HHIPL2: variants seen among roughly 807,000 people sequenced by gnomAD.
The protein encoded by HHIPL2 is HHIP like 2.
A neutral mutation model predicts 61.0 loss-of-function variants in HHIPL2; 61 were observed. That is an observed-to-expected ratio of 1.00 (90% CI 0.81 to 1.24). The LOEUF is 1.24. Among genes scored for constraint, HHIPL2 ranks in the 50% most tolerant of loss-of-function variants. HHIPL2 has a pLI of 0.00. For missense variants in HHIPL2, 885 were observed against 910.2 expected, an observed-to-expected ratio of 0.97 and a Z score of 0.36; for synonymous variants, 343 against 357.4, an observed-to-expected ratio of 0.96 and a Z score of 0.45.
At chr1:222,528,820 A>ATTTT (rs59113896) in intron 6 of HHIPL2, among the ~76,000 whole-genome samples, 11,335 of 128,618 alleles carry the variant, frequency 0.088, 654 homozygotes, top group African/African-American at 0.14. Context: ...TAAACAACTA[A>ATTTT]TTTTTTTTTT....
At chr1:222,535,872 G>A (rs1659291954) in intron 5 of HHIPL2, among the ~76,000 whole-genome samples, 1 of 151,904 alleles carries the variant, frequency 6.6e-6, no homozygotes, top group African/African-American at 2.4e-5. Context: ...TCAGGTAATT[G>A]GAAACTTAAT....
intron 1 of HHIPL2, among the ~76,000 whole-genome samples, chr1:222,546,916 G>T (rs114636986): frequency 0.012 from 1,894 of 152,278 alleles, 50 homozygotes; most frequent in African/African-American, 0.043. Context: ...AGTTCAAAAG[G>T]CTGCCTGGAC....
intron 5 of HHIPL2, 148 bp from the exon 6 acceptor site, chr1:222,532,259 G>T: frequency 3.2e-6 from 2 of 626,922 alleles, no homozygotes; most frequent in South Asian, 3.0e-5. Flanking sequence ...CAACCAAAAA[G>T]CTTCTTCAGA....
Position 222,543,541 on chromosome 1 carries a change from C to A in HHIPL2, c.970G>T (p.Glu324Ter). Residue 324 changes from glutamate (E) to a stop codon, truncating the protein, a stop_gained, in exon 2 of 9, where the codon GAG becomes TAG. Coordinates refer to ENST00000343410, the MANE Select transcript of HHIPL2 (RefSeq NM_024746.4). LOFTEE classifies it high-confidence loss of function. Reference protein sequence around the residue: ...ADPNKADLKSERVILEIEEPA... With the variant: ...ADPNKADLKS ...GCTCTCATGAGTACCTCTCACCTCTCTGATTTCAGGTCAGCTTTGTTAGGA... is the reference window on the plus strand; with the variant it reads ...GCTCTCATGAGTACCTCTCACCTCTATGATTTCAGGTCAGCTTTGTTAGGA... 6.2e-7 allele frequency: 1 copy of A among 1,610,090 alleles called. No individual in the cohort carries two copies. The highest frequency in any genetic ancestry group is 1.1e-5 in the South Asian group (1 of 90,654).
chr1:222,522,272 A>G lies in HHIPL2; in HGVS notation c.*329T>C, dbSNP rs1658968595. ...CAAAGGATATGTGCCAGTTTGAGCA[A>G]ATGTTGATTTATTACCTCAGGTTGT... On this transcript the variant is annotated 3_prime_UTR_variant, in exon 9 of 9. Coordinates refer to ENST00000343410, the MANE Select transcript of HHIPL2 (RefSeq NM_024746.4). 3.2e-6 allele frequency: 1 copy of G among 316,066 alleles called. No homozygotes were observed. Among genetic ancestry groups the G allele is most frequent in the African/African-American group, 2.1e-5 (1 of 48,276 alleles). The allele number at this position is 316,066 out of a possible 1,614,324, so 19.6% of individuals were successfully genotyped here. A position where few individuals can be genotyped will look rare whatever the true frequency, so the allele number is the denominator to read the frequency against.
chr1:222,530,772 ATT>A lies in HHIPL2; in HGVS notation c.1723+1192_1723+1193del, dbSNP rs1212450589. On this transcript the variant is annotated intron_variant, in intron 6 of 8. Transcript: ENST00000343410. ...TCTTGTGTATTTTTTGTGTTTTTTG[ATT>A]TGTTTTGTTTTCTGTTGTTTAATTA... Among the ~76,000 whole-genome samples, 5 of 150,414 alleles carry A rather than the reference ATT, an allele frequency of 3.3e-5. No homozygotes were observed. In the East Asian group the frequency reaches 9.8e-4, roughly 29 times the overall value.
At position 222,532,127 on chromosome 1, in the gene HHIPL2, AC is replaced by A. The variant is rs776915981; in HGVS notation, c.1578-17del. 16 of 1,605,556 alleles carry A rather than the reference AC, an allele frequency of 1.0e-5. No homozygotes were observed. Among genetic ancestry groups the A allele is most frequent in the Non-Finnish European group, 1.4e-5 (16 of 1,175,888 alleles). Reference sequence around the variant, plus strand: ...CATAAGTCGACTAGACAAAAAATAAACCCTTATGTTTAGGAATCCATATATC... The same window carrying A: ...CATAAGTCGACTAGACAAAAAATAAACCTTATGTTTAGGAATCCATATATC... On this transcript the variant is annotated splice_polypyrimidine_tract_variant and intron_variant, in intron 5 of 8. Coordinates refer to ENST00000343410, the MANE Select transcript of HHIPL2 (RefSeq NM_024746.4).
chr1:222,529,402 C>T (rs371952227), intron 6 of HHIPL2, among the ~76,000 whole-genome samples: 13 of 152,150 alleles, frequency 8.5e-5, no homozygotes, highest in African/African-American at 2.7e-4. Flanking sequence ...GAAAGGTCCA[C>T]GTGTACACAG....
At chr1:222,547,230 A>G (rs1659573209) in intron 1 of HHIPL2, among the ~76,000 whole-genome samples, 1 of 152,070 alleles carries the variant, frequency 6.6e-6, no homozygotes, top group Non-Finnish European at 1.5e-5. Flanking sequence ...CTCTGGAGAG[A>G]GTCTCCAACC....
Position 222,523,635 on chromosome 1 carries a change from C to T in HHIPL2, c.1865G>A (p.Arg622Gln), listed in dbSNP as rs776481799. 5.8e-5 allele frequency: 93 copies of T among 1,613,980 alleles called. 1 individual carries two copies. Among genetic ancestry groups the T allele is most frequent in the Middle Eastern group, 3.3e-4 (2 of 6,084 alleles). The change falls in exon 8 of 9, where the codon CGG becomes CAG. Residue 622 changes from arginine (R) to glutamine (Q), a missense_variant. Coordinates refer to ENST00000343410, the MANE Select transcript of HHIPL2 (RefSeq NM_024746.4). ...ACTGGCGAGTGGTCTGAACGGGATCCGCTTACTCTTGGTTCTCACGGGCAC... is the reference window on the plus strand; with the variant it reads ...ACTGGCGAGTGGTCTGAACGGGATCTGCTTACTCTTGGTTCTCACGGGCAC... ...KPVPVRTKSK[R>Q]IPFRPLAKTV...
chr1:222,535,520 C>T (rs1032608248), intron 5 of HHIPL2, among the ~76,000 whole-genome samples: 3 of 152,186 alleles, frequency 2.0e-5, no homozygotes, highest in Non-Finnish European at 2.9e-5. Flanking sequence ...AAGTGGTCTT[C>T]ACTAAGCCAA....
intron 6 of HHIPL2, among the ~76,000 whole-genome samples, chr1:222,530,473 C>T (rs1233989389): frequency 6.6e-6 from 1 of 152,216 alleles, no homozygotes; most frequent in Non-Finnish European, 1.5e-5. Flanking sequence ...CAATTTGGAA[C>T]TCACATAGAC....
chr1:222,523,180 T>C (rs191041556), intron 8 of HHIPL2, among the ~76,000 whole-genome samples: 44 of 152,218 alleles, frequency 2.9e-4, no homozygotes, highest in African/African-American at 1.0e-3. Context: ...GCCCTGAGCA[T>C]CCTTCTATAC....
chr1:222,529,389 TACGAAAGGTCCACGTGTAC>T (rs1405557877), intron 6 of HHIPL2, among the ~76,000 whole-genome samples: 3 of 152,178 alleles, frequency 2.0e-5, no homozygotes, highest in African/African-American at 7.2e-5. Flanking sequence ...ATGTGGTGTC[TACGAAAGGTCCACGTGTAC>T]ACAGGCAGGG....
intron 6 of HHIPL2, among the ~76,000 whole-genome samples, chr1:222,531,456 T>C (rs546334700): frequency 6.6e-6 from 1 of 152,154 alleles, no homozygotes; most frequent in Non-Finnish European, 1.5e-5. Flanking sequence ...GCATTATAAT[T>C]ACATCATGGA....
Position 222,527,014 on chromosome 1 carries a change from G to A in HHIPL2, c.1760C>T (p.Ala587Val). 6.2e-7 allele frequency: 1 copy of A among 1,613,696 alleles called. No homozygotes were observed. Among genetic ancestry groups the A allele is most frequent in the Non-Finnish European group, 8.5e-7 (1 of 1,179,836 alleles). Residue 587 changes from alanine (A) to valine (V), a missense_variant, in exon 7 of 9, where the codon GCC (alanine) becomes GTC (valine). Ala to Val is a moderately conservative substitution (Grantham distance 64). Coordinates refer to ENST00000343410, the MANE Select transcript of HHIPL2 (RefSeq NM_024746.4). ...GTAAATAGATCCACGTGGTGCATAGGCACTTGGGTAAGAGGTCGCCAGGAA... is the reference window on the plus strand; with the variant it reads ...GTAAATAGATCCACGTGGTGCATAGACACTTGGGTAAGAGGTCGCCAGGAA... The part of the protein sequence containing the change: ...LYFLATSYPS[A>V]YAPRGSIYKF...
In HHIPL2 at chr1:222,544,207, G is replaced by T; in HGVS notation, c.322-18C>A. The T allele has an allele frequency of 6.3e-7, 1 of 1,597,600 alleles. No homozygotes were observed. ...GAGCACTCCTAAAAAAGAACGCGGA[G>T]CTCAGGCTCAGCATCAGACCTGCCA... On this transcript the variant is annotated intron_variant, in intron 1 of 8. Transcript: ENST00000343410.
In HHIPL2 at chr1:222,548,103, C is replaced by T; in HGVS notation, c.-59G>A. 2 of 1,197,022 alleles carry T rather than the reference C, an allele frequency of 1.7e-6. No homozygotes were observed. Among genetic ancestry groups the T allele is most frequent in the Non-Finnish European group, 2.3e-6 (2 of 853,638 alleles). The allele number at this position is 1,197,022 out of a possible 1,614,324, so 74.2% of individuals were successfully genotyped here. On this transcript the variant is annotated 5_prime_UTR_variant, in exon 1 of 9. Coordinates refer to ENST00000343410, the MANE Select transcript of HHIPL2 (RefSeq NM_024746.4). ...GCTCAGGTTGGCTTCCCTGCTCTGC[C>T]CAAGGTCCTCCCTCTCTTCCTCCCC...
intron 5 of HHIPL2, among the ~76,000 whole-genome samples, chr1:222,534,485 G>A (rs1175057214): frequency 6.6e-6 from 1 of 152,068 alleles, no homozygotes; most frequent in Non-Finnish European, 1.5e-5. Context: ...GCTGAGGCAG[G>A]AGAAGGGCGT....
Sources: gnomAD v4.1 joint callset for allele counts (sites outside exome capture counted in the v4.1 genomes callset) on GRCh38, gnomAD v4.1.1 for gene constraint, MANE v1.5 for transcripts, NCBI Gene and HGNC (gene_info 2026-07-23, HGNC 2026-07-21) for gene names.